The following EPRS1 variants were observed in gnomAD, a reference collection of about 807,000 sequenced individuals.
EPRS1 encodes the protein glutamyl-prolyl-tRNA synthetase 1.
Under a neutral mutation model 188.3 loss-of-function variants are expected in EPRS1, and 107 were observed. The ratio of observed to expected loss-of-function variants is 0.57; its 90% CI spans 0.49 to 0.67. EPRS1 has a LOEUF of 0.67. Ranked by LOEUF, EPRS1 falls within the 30% of genes least tolerant of loss-of-function variation. The pLI is 0.00. For missense variants in EPRS1, 1,577 were observed against 1,802.2 expected (o/e 0.88, Z 2.26); for synonymous variants, 596 against 593.1 (o/e 1.00, Z -0.07).
chr1:220,018,843 TTTG>T, intron 11 of EPRS1, 149 bp downstream of exon 11: 1 of 356,702 alleles, frequency 2.8e-6, no homozygotes, highest in Non-Finnish European at 4.7e-6. Flanking sequence ...AAAAAAAAAG[TTTG>T]TTTTAAAAAA....
intron 28 of EPRS1, among the ~76,000 whole-genome samples, chr1:219,976,433 T>A (rs561562474): frequency 6.6e-6 from 1 of 152,218 alleles, no homozygotes; most frequent in Non-Finnish European, 1.5e-5. Context: ...AATTAGACTA[T>A]TGTAATGTAT....
chr1:219,999,838 T>C (rs1661309435), intron 17 of EPRS1, among the ~76,000 whole-genome samples: 1 of 152,110 alleles, frequency 6.6e-6, no homozygotes, highest in Non-Finnish European at 1.5e-5. Flanking sequence ...TAGCTGGGCA[T>C]GGTGGTGCGT....
At chr1:219,975,909 A>G (rs779503910) in intron 28 of EPRS1, among the ~76,000 whole-genome samples, 28 of 152,314 alleles carry the variant, frequency 1.8e-4, no homozygotes, top group Non-Finnish European at 4.1e-4. Context: ...AAGGCCCGGG[A>G]GAAGTGATAG....
intron 6 of EPRS1, among the ~76,000 whole-genome samples, chr1:220,029,424 T>G (rs1662046064): frequency 6.6e-6 from 1 of 152,210 alleles, no homozygotes; most frequent in Admixed American, 6.5e-5. Flanking sequence ...TAAAAGCAAT[T>G]TTACTGTTAA....
chr1:220,039,934 T>C (rs1662261502), intron 2 of EPRS1, among the ~76,000 whole-genome samples: 1 of 152,188 alleles, frequency 6.6e-6, no homozygotes, highest in Non-Finnish European at 1.5e-5. Flanking sequence ...GGTTCGAAAC[T>C]GGGCTGGGCA....
At chr1:219,979,703 T>C (rs1660855542) in intron 26 of EPRS1, 88 bp from the exon 27 acceptor site, 4 of 855,532 alleles carry the variant, frequency 4.7e-6, no homozygotes, top group Non-Finnish European at 7.3e-6. Flanking sequence ...TGCTTTAAAA[T>C]GGCACTACAC....
chr1:219,986,734 G>A (rs1339715420), intron 20 of EPRS1, among the ~76,000 whole-genome samples: 2 of 152,054 alleles, frequency 1.3e-5, no homozygotes, highest in Non-Finnish European at 2.9e-5. Flanking sequence ...AAAACAATGT[G>A]TATAATTAGG....
chr1:219,974,734 CTTTAG>C (rs933319431), intron 28 of EPRS1, among the ~76,000 whole-genome samples: 3 of 151,998 alleles, frequency 2.0e-5, no homozygotes, highest in African/African-American at 7.2e-5. Flanking sequence ...TATTTTATTG[CTTTAG>C]TTATTTATCC....
Position 220,018,912 on chromosome 1 carries a change from C to T in EPRS1, c.1434+83G>A, listed in dbSNP as rs1389412244. The T allele has an allele frequency of 4.8e-6, 4 of 831,654 alleles. No individual in the cohort carries two copies. In the African/African-American group the frequency reaches 5.6e-5, roughly 12 times the overall value. 51.5% of individuals were successfully genotyped at this position (831,654 alleles called of 1,614,324 possible). On this transcript the variant is annotated intron_variant, in intron 11 of 31. Transcript: ENST00000366923. ...CACAAACAAGGAATAGAAAGAACAACAGAGATAATAAAGAGTAAAGGGACA... is the reference window on the plus strand; with the variant it reads ...CACAAACAAGGAATAGAAAGAACAATAGAGATAATAAAGAGTAAAGGGACA...
intron 1 of EPRS1, among the ~76,000 whole-genome samples, chr1:220,044,118 T>A (rs1464670204): frequency 1.3e-5 from 2 of 151,298 alleles, no homozygotes; most frequent in Non-Finnish European, 2.9e-5. Flanking sequence ...AGGTCTTTAT[T>A]TTAAGTTTGA....
chr1:220,034,293 T>G (rs1042198781), intron 3 of EPRS1, among the ~76,000 whole-genome samples: 1 of 152,198 alleles, frequency 6.6e-6, no homozygotes, highest in Non-Finnish European at 1.5e-5. Flanking sequence ...CTTGCCAGTA[T>G]AGGTTTGTAG....
In EPRS1 at chr1:220,024,249, A is replaced by C; in HGVS notation, c.943+15T>G. 1 of 1,514,514 alleles carries C rather than the reference A, an allele frequency of 6.6e-7. No homozygotes were observed. The highest frequency in any genetic ancestry group is 1.3e-5 in the South Asian group (1 of 78,960). The allele number at this position is 1,514,514 out of a possible 1,614,324, so 93.8% of individuals were successfully genotyped here. A position where few individuals can be genotyped will look rare whatever the true frequency, so the allele number is the denominator to read the frequency against. On this transcript the variant is annotated intron_variant, in intron 8 of 31. Coordinates refer to ENST00000366923, the MANE Select transcript of EPRS1 (RefSeq NM_004446.3). ...TATAAGAATATCAATTAAAATATAA[A>C]ACAATGTGGCTTACGGTTTTTTCTA...
At chr1:220,015,509 A>C (rs1009641627) in intron 12 of EPRS1, among the ~76,000 whole-genome samples, 9 of 108,808 alleles carry the variant, frequency 8.3e-5, no homozygotes, top group Admixed American at 2.2e-4. Flanking sequence ...GACAAGAGAA[A>C]GAAAATAAAA....
At chr1:220,007,140 A>C in intron 14 of EPRS1, 62 bp downstream of exon 14, 1 of 1,436,102 alleles carries the variant, frequency 7.0e-7, no homozygotes, top group Non-Finnish European at 9.5e-7. Context: ...ATGTTTAATA[A>C]GTAAACACAA....
At chr1:220,020,945 C>T (rs1472965699) in intron 9 of EPRS1, among the ~76,000 whole-genome samples, 3 of 149,236 alleles carry the variant, frequency 2.0e-5, no homozygotes, top group Admixed American at 6.7e-5. Flanking sequence ...TGCACCGGTG[C>T]GATCTCAGCT....
intron 24 of EPRS1, 47 bp from the exon 25 acceptor site, chr1:219,980,904 A>T: frequency 1.1e-6 from 1 of 904,404 alleles, no homozygotes; most frequent in Admixed American, 2.3e-5. Flanking sequence ...GAGCTTTTCA[A>T]TTTTTTTTTT....
chr1:220,011,767 C>A (rs1314280536), intron 12 of EPRS1, among the ~76,000 whole-genome samples: 1 of 152,116 alleles, frequency 6.6e-6, no homozygotes, highest in African/African-American at 2.4e-5. Flanking sequence ...CAGTAGCATC[C>A]CCTTCTGGAG....
intron 12 of EPRS1, among the ~76,000 whole-genome samples, chr1:220,012,404 T>C (rs1483840044): frequency 6.6e-6 from 1 of 152,212 alleles, no homozygotes; most frequent in Admixed American, 6.5e-5. Flanking sequence ...ACTTAGTTCA[T>C]TGCAGCTGTT....
chr1:219,974,822 A>C (rs1254208592), intron 28 of EPRS1, among the ~76,000 whole-genome samples: 1 of 152,230 alleles, frequency 6.6e-6, no homozygotes, highest in Non-Finnish European at 1.5e-5. Context: ...TACAAGATGA[A>C]TAAGAAATAC....
Sources: allele counts gnomAD v4.1 joint callset (sites outside exome capture counted in the v4.1 genomes callset), GRCh38; gene constraint gnomAD v4.1.1; transcripts MANE v1.5; gene names NCBI Gene and HGNC (gene_info 2026-07-23, HGNC 2026-07-21).